Variants in MAST3 observed in about 807,000 individuals in gnomAD.
The protein encoded by MAST3 is microtubule-associated serine/threonine-protein kinase 3.
MAST3 carries 43 observed loss-of-function variants against 127.0 expected under a neutral mutation model. The ratio of observed to expected loss-of-function variants is 0.34; its 90% CI spans 0.27 to 0.44. MAST3 has a LOEUF of 0.44. MAST3 is among the 20% of genes least tolerant of loss of function. The pLI is 1.00. For missense variants in MAST3, 1,390 were observed against 1,919.1 expected, an observed-to-expected ratio of 0.72 and a Z score of 5.15; for synonymous variants, 785 against 809.2, an observed-to-expected ratio of 0.97 and a Z score of 0.51.
Position 18,144,652 on chromosome 19 carries a change from A to T in MAST3, c.2771A>T (p.Lys924Met), listed in dbSNP as rs1174296003. The T allele has an allele frequency of 1.9e-6, 3 of 1,610,640 alleles. No homozygotes were observed. In the African/African-American group the frequency reaches 4.0e-5, roughly 21 times the overall value. ...SGGGSGGRVPKSASVSALSLI... is the reference protein window; with the variant it reads ...SGGGSGGRVPMSASVSALSLI... ...GGCGGCAGTGGGGGCCGCGTGCCCA[A>T]GTCAGCCTCTGTCTCTGCCCTGTCC... The change falls in exon 23 of 28, where the codon AAG becomes ATG. Residue 924 changes from lysine (K) to methionine (M), a missense_variant. This residue lies in a region of MAST3 where 816 missense variants were observed against 934.1 expected (regional missense o/e 0.87). Coordinates refer to ENST00000687212, the MANE Select transcript of MAST3 (RefSeq NM_001393504.1). The surrounding 1 kb of genome is among the most constrained non-coding windows in gnomAD (Gnocchi z 4.0).
At chr19:18,130,803 A>G (rs531663045) in intron 14 of MAST3, 101 bp downstream of exon 14, 45 of 1,187,230 alleles carry the variant, frequency 3.8e-5, no homozygotes, top group African/African-American at 1.8e-4. Flanking sequence ...TCTGTCCTCC[A>G]TGAGGTCTCA....
At chr19:18,132,685 T>C (rs547738482) in intron 15 of MAST3, among the ~76,000 whole-genome samples, 1 of 152,316 alleles carries the variant, frequency 6.6e-6, no homozygotes, top group East Asian at 1.9e-4. Context: ...CTCCTCTGCA[T>C]TTATTGAGCG....
intron 18 of MAST3, among the ~76,000 whole-genome samples, chr19:18,136,285 C>G (rs1204476416): frequency 6.6e-6 from 1 of 152,232 alleles, no homozygotes; most frequent in Non-Finnish European, 1.5e-5. Context: ...GGATCATCAC[C>G]TGCTCTGTGG....
chr19:18,139,765 A>AT (rs1298794072), intron 20 of MAST3, among the ~76,000 whole-genome samples: 1 of 146,692 alleles, frequency 6.8e-6, no homozygotes, highest in Admixed American at 6.8e-5. Flanking sequence ...CCGGCCTTGT[A>AT]TTTTTTTATT....
rs79711836 is a variant in MAST3 at position 18,106,924 on chromosome 19, C to G, written c.40-663C>G. ...CAAGCAATCCTCCCACCTCAGCCCCCCAAGTAGCTAGGAGTACAGGCTTGA... is the reference window on the plus strand; with the variant it reads ...CAAGCAATCCTCCCACCTCAGCCCCGCAAGTAGCTAGGAGTACAGGCTTGA... On this transcript the variant is annotated intron_variant, in intron 1 of 27. Coordinates refer to ENST00000687212, the MANE Select transcript of MAST3 (RefSeq NM_001393504.1). 8.5e-3 allele frequency among the ~76,000 whole-genome samples: 1,293 copies of G among 151,406 alleles called. 7 individuals carry two copies. Among genetic ancestry groups the G allele is most frequent in the Middle Eastern group, 0.02 (6 of 294 alleles).
At chr19:18,121,549 G>A in intron 3 of MAST3, 136 bp from the exon 4 acceptor site, 1 of 738,964 alleles carries the variant, frequency 1.4e-6, no homozygotes, top group South Asian at 1.7e-5. Context: ...GAACCCAGCT[G>A]GGGGCAGAGT....
At chr19:18,123,501 C>A in intron 7 of MAST3, 79 bp from the exon 8 acceptor site, 1 of 1,469,810 alleles carries the variant, frequency 6.8e-7, no homozygotes, top group Non-Finnish European at 9.1e-7. Context: ...TGTCCCTCAA[C>A]CCTGGCTCAG....
Position 18,149,135 on chromosome 19 carries a change from C to T in MAST3, c.3509-56C>T, listed in dbSNP as rs776748901. 50 of 1,422,428 alleles carry T rather than the reference C, an allele frequency of 3.5e-5. No individual in the cohort carries two copies. The highest frequency in any genetic ancestry group is 4.5e-5 in the Non-Finnish European group (49 of 1,088,780). The allele number at this position is 1,422,428 out of a possible 1,614,324, so 88.1% of individuals were successfully genotyped here. ...AGTTTTTGTCAGTCCCACAGCTCCA[C>T]TTCTGGGCTGGGGACATTGAGGCCA... is the stretch of plus-strand genomic sequence containing the variant. On this transcript the variant is annotated intron_variant, in intron 27 of 27. Transcript: ENST00000687212. The surrounding 1 kb of genome is among the most constrained non-coding windows in gnomAD (Gnocchi z 5.9).
In MAST3 at chr19:18,149,246, AGCT is replaced by A; in HGVS notation, c.3572_3574del (p.Ala1191del). 4 of 1,433,576 alleles carry A rather than the reference AGCT, an allele frequency of 2.8e-6. No homozygotes were observed. Among genetic ancestry groups the A allele is most frequent in the East Asian group, 2.7e-5 (1 of 36,468 alleles). 88.8% of individuals were successfully genotyped at this position (1,433,576 alleles called of 1,614,324 possible). On this transcript the variant is annotated inframe_deletion, in exon 28 of 28. Transcript: ENST00000687212. This position sits in a 1 kb window ranked among gnomAD's most constrained non-coding sequence, Gnocchi z 5.9. The stretch of plus-strand genomic sequence containing the variant: ...CGAGCTCCAGCAGCCCCGCCTCCCC[AGCT>A]GCTGCTGGCCACACCCGCCCCAGCT...
In MAST3 at chr19:18,124,134, C is replaced by A. The variant is rs975334396; in HGVS notation, c.829C>A (p.Arg277=). 5.0e-6 allele frequency: 8 copies of A among 1,610,044 alleles called. No individual in the cohort carries two copies. Among genetic ancestry groups the A allele is most frequent in the Non-Finnish European group, 6.8e-6 (8 of 1,178,484 alleles). Residue 277 remains arginine, a synonymous_variant, in exon 9 of 28, where the codon CGG becomes AGG. Coordinates refer to ENST00000687212, the MANE Select transcript of MAST3 (RefSeq NM_001393504.1). ...CCTAGAGATGCAGGAGAAGCTGGAG[C>A]GGCTTCTGCAGGATGTGCGTGGTTT... The part of the protein sequence containing the change: ...YFLEMQEKLE[R]LLQDAHERSD...
Position 18,124,011 on chromosome 19 carries a change from G to T in MAST3, c.706G>T (p.Ala236Ser). The T allele has an allele frequency of 6.3e-7, 1 of 1,597,856 alleles. No individual in the cohort carries two copies. The highest frequency in any genetic ancestry group is 8.5e-7 in the Non-Finnish European group (1 of 1,173,200). ...CGCGCCCGGCGCCCGGCTGGCGCTG[G>T]CTGATGGCGTCTTGGGCTTCATCCA... ...AYAPGARLAL[A>S]DGVLGFIHHQ... The change falls in exon 9 of 28, where the codon GCT becomes TCT. Residue 236 changes from alanine to serine, a missense_variant. Physicochemically the swap from Ala to Ser is moderately conservative, Grantham distance 99. Around this residue, in one of 5 missense-constraint regions of MAST3, gnomAD observed 277 missense variants for 384.8 expected, o/e 0.72. Transcript: ENST00000687212.
chr19:18,129,229 C>A, intron 13 of MAST3: 1 of 488,706 alleles, frequency 2.0e-6, no homozygotes, highest in Non-Finnish European at 3.7e-6. Context: ...GATGCCCACC[C>A]AGTGGGAGTA....
At chr19:18,136,334 AGGCTCTG>A (rs1040367855) in intron 18 of MAST3, among the ~76,000 whole-genome samples, 3 of 152,222 alleles carry the variant, frequency 2.0e-5, no homozygotes, top group African/African-American at 7.2e-5. Flanking sequence ...GGCCCTCGTA[AGGCTCTG>A]GGCTTTCTCT....
chr19:18,147,291 CAG>C (rs1336688983), intron 26 of MAST3, among the ~76,000 whole-genome samples, 150 bp from the exon 27 acceptor site: 1 of 151,832 alleles, frequency 6.6e-6, no homozygotes, highest in Non-Finnish European at 1.5e-5. Context: ...TCAGTAGAGA[CAG>C]GGTTTCGCCA....
chr19:18,130,087 A>G lies in MAST3; in HGVS notation c.1224-407A>G, dbSNP rs1017703509. The stretch of plus-strand genomic sequence containing the variant: ...CAACATAGCGAGACCCCATCTCTAC[A>G]AAAAATTTAAACATTAGCCAGGTTC... On this transcript the variant is annotated intron_variant, in intron 13 of 27. Coordinates refer to ENST00000687212, the MANE Select transcript of MAST3 (RefSeq NM_001393504.1). Among the ~76,000 whole-genome samples, 5 of 152,198 alleles carry G rather than the reference A, an allele frequency of 3.3e-5. No individual in the cohort carries two copies. The South Asian group carries it at 1.0e-3, about 32-fold the overall frequency.
At chr19:18,120,991 G>A (rs866482526) in intron 3 of MAST3, among the ~76,000 whole-genome samples, 8 of 152,234 alleles carry the variant, frequency 5.3e-5, no homozygotes, top group Non-Finnish European at 1.2e-4. Context: ...AAAGTACTGG[G>A]ATTACAGGTG....
chr19:18,121,952 G>A, intron 5 of MAST3, 30 bp downstream of exon 5: 1 of 1,613,402 alleles, frequency 6.2e-7, no homozygotes, highest in Non-Finnish European at 8.5e-7. Flanking sequence ...GGGAGACAGT[G>A]CGGGCACCAC....
At position 18,139,100 on chromosome 19, in the gene MAST3, C is replaced by T; in HGVS notation, c.2181C>T (p.Ser727=). The T allele has an allele frequency of 6.2e-7, 1 of 1,602,842 alleles. No individual in the cohort carries two copies. Among genetic ancestry groups the T allele is most frequent in the South Asian group, 1.1e-5 (1 of 88,712 alleles). ...EESSTEIPQF[S]SCSHRFSKVY... is the part of the protein sequence containing the mutation. The stretch of plus-strand genomic sequence containing the variant: ...CGTCCACAGAGATCCCCCAGTTCTC[C>T]TCCTGCTCCCACCGGTTCAGCAAGG... Residue 727 remains serine (S), a synonymous_variant, in exon 20 of 28, where the codon TCC becomes TCT. Transcript: ENST00000687212.
chr19:18,124,102 G>A lies in MAST3; in HGVS notation c.797G>A (p.Arg266His), dbSNP rs377366405. The A allele has an allele frequency of 2.5e-5, 40 of 1,611,392 alleles. 1 individual carries two copies. The highest frequency in any genetic ancestry group is 3.1e-5 in the Non-Finnish European group (36 of 1,178,942). ...AKSGENLVTS[R>H]YFLEMQEKLE... The stretch of plus-strand genomic sequence containing the variant: ...TCTGGCGAGAACCTCGTCACCTCCC[G>A]CTACTTCCTAGAGATGCAGGAGAAG... The change falls in exon 9 of 28, where the codon CGC (arginine) becomes CAC (histidine). Residue 266 changes from arginine to histidine, a missense_variant. Transcript: ENST00000687212.
Sources: allele counts gnomAD v4.1 joint callset (sites outside exome capture counted in the v4.1 genomes callset), GRCh38; gene constraint gnomAD v4.1.1; regional missense constraint gnomAD v4.1.1; non-coding constraint Gnocchi (gnomAD v3.1); transcripts MANE v1.5; gene names NCBI Gene and HGNC (gene_info 2026-07-23, HGNC 2026-07-21).